Variants in VPS13B observed in about 807,000 individuals in gnomAD.
The protein encoded by VPS13B is intermembrane lipid transfer protein VPS13B.
In VPS13B, 285 loss-of-function variants were observed where a neutral mutation model predicts 426.4. The ratio of observed to expected loss-of-function variants is 0.67; its 90% CI spans 0.61 to 0.74. The LOEUF (loss-of-function observed/expected upper bound fraction) is 0.74, where lower values mean the gene tolerates loss of function less well. Among genes scored for constraint, VPS13B ranks in the 30% least tolerant of loss-of-function variants. The pLI is 0.00. For synonymous variants in VPS13B, 1,676 were observed against 1,676.4 expected (o/e 1.00, Z 0.01); for missense variants, 4,537 against 4,782.6 (o/e 0.95, Z 1.51).
At chr8:99,164,393 A>G (rs997716508) in intron 15 of VPS13B, among the ~76,000 whole-genome samples, 1 of 152,128 alleles carries the variant, frequency 6.6e-6, no homozygotes, top group African/African-American at 2.4e-5. Context: ...AGCATCTCGT[A>G]CTATCCCTGA....
chr8:99,283,723 C>T (rs954214403), intron 19 of VPS13B, among the ~76,000 whole-genome samples: 1 of 152,106 alleles, frequency 6.6e-6, no homozygotes, highest in Non-Finnish European at 1.5e-5. Context: ...CATTTAATCA[C>T]AAGCCCAGAA....
chr8:99,821,156 ACACACACACACC>A, intron 49 of VPS13B, 126 bp from the exon 50 acceptor site: 6 of 652,386 alleles, frequency 9.2e-6, no homozygotes, highest in Non-Finnish European at 1.6e-5. Flanking sequence ...ACACACACAC[ACACACACACACC>A]ATGGAGGGAT....
intron 39 of VPS13B, among the ~76,000 whole-genome samples, chr8:99,764,747 G>A (rs1811125057): frequency 6.6e-6 from 1 of 151,996 alleles, no homozygotes; most frequent in South Asian, 2.1e-4. Flanking sequence ...TAACAGTTGT[G>A]TAGAAATACA....
At chr8:99,732,817 C>T (rs1334836249) in intron 39 of VPS13B, among the ~76,000 whole-genome samples, 1 of 152,178 alleles carries the variant, frequency 6.6e-6, no homozygotes, top group African/African-American at 2.4e-5. Context: ...GCTAGCATTC[C>T]TTGCCCTTCA....
chr8:99,418,498 T>TCTTG lies in VPS13B; in HGVS notation c.3083-13036_3083-13035insGCTT, dbSNP rs1554779754. Among the ~76,000 whole-genome samples, 634 of 143,112 alleles carry TCTTG rather than the reference T, an allele frequency of 4.4e-3. 7 individuals carry two copies. Among genetic ancestry groups the TCTTG allele is most frequent in the African/African-American group, 0.017 (602 of 36,090 alleles). 93.9% of individuals were successfully genotyped at this position (143,112 alleles called of 152,430 possible). A position where few individuals can be genotyped will look rare whatever the true frequency, so the allele number is the denominator to read the frequency against. ...TTCTTTCTTTCTTTCTTTCTTTCTT[T>TCTTG]CTTTCTTTCTTTCTTTCCTTTCTTT... On this transcript the variant is annotated intron_variant, in intron 21 of 61. Coordinates refer to ENST00000357162, the MANE Select transcript of VPS13B (RefSeq NM_152564.5).
chr8:99,544,746 G>A (rs906972526), intron 30 of VPS13B, among the ~76,000 whole-genome samples: 5 of 152,126 alleles, frequency 3.3e-5, no homozygotes, highest in Admixed American at 1.3e-4. Flanking sequence ...AGCTACACAA[G>A]AGGTTTATAT....
rs150818909 is a variant in VPS13B at position 99,077,892 on chromosome 8, T to C, written c.292-18420T>C. On this transcript the variant is annotated intron_variant, in intron 3 of 61. Coordinates refer to ENST00000357162, the MANE Select transcript of VPS13B (RefSeq NM_152564.5). ...GAATTTTCTAAAATCTAGTTAGATA[T>C]TTAAAAAAGAAAAAAGTTATCTTAA... Among the ~76,000 whole-genome samples the C allele has an allele frequency of 6.6e-4, 100 of 152,248 alleles. 2 individuals are homozygous for C. The East Asian group carries it at 0.017, about 26-fold the overall frequency.
chr8:99,581,164 A>G (rs1318469513), intron 33 of VPS13B, among the ~76,000 whole-genome samples: 1 of 151,920 alleles, frequency 6.6e-6, no homozygotes. Flanking sequence ...ACCAGGTAAC[A>G]AAGTGAGACC....
At chr8:99,141,538 TA>T (rs757648554) in intron 12 of VPS13B, among the ~76,000 whole-genome samples, 4 of 152,154 alleles carry the variant, frequency 2.6e-5, no homozygotes, top group Non-Finnish European at 5.9e-5. Flanking sequence ...CTATGAAAAG[TA>T]ATGGTTTTGA....
chr8:99,070,380 ATTCT>A (rs1255404224), intron 3 of VPS13B, among the ~76,000 whole-genome samples: 5 of 152,302 alleles, frequency 3.3e-5, no homozygotes, highest in African/African-American at 1.2e-4. Context: ...GAAAACTTTA[ATTCT>A]TTCTTTGTAT....
chr8:99,766,953 T>C lies in VPS13B; in HGVS notation c.7230T>C (p.Asn2410=). ...LWRIVLNSSQ[N]GADDQSSASE... ...GAATTGTCTTGAACAGCAGTCAAAA[T>C]GGAGCTGATGACCAAAGGTAATTCA... Residue 2410 remains asparagine (N), a synonymous_variant, in exon 40 of 62, where the codon AAT becomes AAC. Transcript: ENST00000357162. The C allele has an allele frequency of 1.9e-6, 3 of 1,613,944 alleles. No individual in the cohort carries two copies. Among genetic ancestry groups the C allele is most frequent in the Non-Finnish European group, 2.5e-6 (3 of 1,179,932 alleles).
At chr8:99,437,528 G>A (rs929784083) in intron 22 of VPS13B, among the ~76,000 whole-genome samples, 6 of 151,852 alleles carry the variant, frequency 4.0e-5, no homozygotes, top group African/African-American at 7.3e-5. Flanking sequence ...GACCAGCATG[G>A]CTAACATGGT....
chr8:99,594,703 C>T (rs554410302), intron 33 of VPS13B, among the ~76,000 whole-genome samples: 5 of 151,968 alleles, frequency 3.3e-5, no homozygotes, highest in Admixed American at 3.3e-4. Flanking sequence ...ACACAGTTTG[C>T]TCCAGCAGCT....
chr8:99,037,525 G>A (rs1042661401), intron 2 of VPS13B, among the ~76,000 whole-genome samples: 2 of 151,996 alleles, frequency 1.3e-5, no homozygotes, highest in Non-Finnish European at 2.9e-5. Context: ...CTGTATTTAG[G>A]CATATTGTTA....
chr8:99,545,801 G>A (rs1409708570), intron 30 of VPS13B, among the ~76,000 whole-genome samples: 1 of 152,028 alleles, frequency 6.6e-6, no homozygotes, highest in African/African-American at 2.4e-5. Flanking sequence ...TAAACTAATG[G>A]ATGGTACCTA....
chr8:99,318,411 G>A (rs993260032), intron 19 of VPS13B, among the ~76,000 whole-genome samples: 2 of 151,758 alleles, frequency 1.3e-5, no homozygotes, highest in African/African-American at 4.9e-5. Flanking sequence ...TGTCCTGTAT[G>A]GTAGATCTCA....
chr8:99,627,452 G>C (rs956645178), intron 33 of VPS13B, among the ~76,000 whole-genome samples: 2 of 151,932 alleles, frequency 1.3e-5, no homozygotes, highest in African/African-American at 4.8e-5. Flanking sequence ...ATCTCGCTCT[G>C]TCTCCCAGGC....
chr8:99,379,264 T>C (rs1206368715), intron 19 of VPS13B, among the ~76,000 whole-genome samples: 1 of 152,180 alleles, frequency 6.6e-6, no homozygotes, highest in Non-Finnish European at 1.5e-5. Context: ...AGACTGGGGA[T>C]TGTTGGTCTT....
At chr8:99,315,341 T>C in intron 19 of VPS13B, among the ~76,000 whole-genome samples, 2 of 151,470 alleles carry the variant, frequency 1.3e-5, no homozygotes, top group Non-Finnish European at 1.5e-5. Context: ...CTCTCTCTTT[T>C]TTTTTTTTTA....
Sources: gnomAD v4.1 joint callset for allele counts (sites outside exome capture counted in the v4.1 genomes callset) on GRCh38, gnomAD v4.1.1 for gene constraint, MANE v1.5 for transcripts, NCBI Gene and HGNC (gene_info 2026-07-23, HGNC 2026-07-21) for gene names.